The following FMNL2 variants were observed in gnomAD, a reference collection of about 807,000 sequenced individuals.
The protein encoded by FMNL2 is formin like 2, also known as formin-like protein 2.
FMNL2 carries 51 observed loss-of-function variants against 130.2 expected under a neutral mutation model. The observed-to-expected ratio is 0.39, with a 90% CI of 0.31 to 0.49. The LOEUF (loss-of-function observed/expected upper bound fraction) is 0.49. Ranked by LOEUF, FMNL2 falls within the 20% of genes least tolerant of loss-of-function variation. The pLI is 0.85. For synonymous variants in FMNL2, 465 were observed against 467.1 expected, an observed-to-expected ratio of 1.00 and a Z score of 0.06; for missense variants, 977 against 1,316.2, an observed-to-expected ratio of 0.74 and a Z score of 3.99.
rs1691284179 is a variant in FMNL2, at chr2:152,492,757, C to G, written c.118-29186C>G. The stretch of plus-strand genomic sequence containing the variant: ...TTTGACACTAAATTTTTCTCAGGAA[C>G]TAAGCAGATCGGTTATCGTTCCTCT... On this transcript the variant is annotated intron_variant, in intron 1 of 25. Transcript: ENST00000288670. Among the ~76,000 whole-genome samples, 3 of 152,198 alleles carry G rather than the reference C, an allele frequency of 2.0e-5. No homozygotes were observed. The South Asian group carries it at 6.2e-4, about 31-fold the overall frequency.
chr2:152,442,274 G>A (rs1314457096), intron 1 of FMNL2, among the ~76,000 whole-genome samples: 3 of 147,708 alleles, frequency 2.0e-5, no homozygotes, highest in Admixed American at 6.8e-5. Context: ...TTTTTGAGAC[G>A]GAGTTTTGGT....
At chr2:152,442,920 C>G (rs1485103001) in intron 1 of FMNL2, among the ~76,000 whole-genome samples, 2 of 152,180 alleles carry the variant, frequency 1.3e-5, no homozygotes, top group East Asian at 3.9e-4. Context: ...ATTTGCATTT[C>G]TAACAAGTTC....
intron 4 of FMNL2, among the ~76,000 whole-genome samples, chr2:152,558,267 A>G (rs543385860): frequency 1.8e-4 from 28 of 152,214 alleles, no homozygotes; most frequent in African/African-American, 6.7e-4. Context: ...CTCATTGGCT[A>G]GTTTAGTGGT....
chr2:152,431,439 CA>C (rs1401863314), intron 1 of FMNL2, among the ~76,000 whole-genome samples: 1 of 152,124 alleles, frequency 6.6e-6, no homozygotes, highest in East Asian at 1.9e-4. Context: ...AGCTTTTCAG[CA>C]AATGGAAAAA....
At chr2:152,491,441 T>C (rs573636363) in intron 1 of FMNL2, among the ~76,000 whole-genome samples, 2 of 152,314 alleles carry the variant, frequency 1.3e-5, no homozygotes, top group Admixed American at 1.3e-4. Flanking sequence ...GATTCAGTTT[T>C]GTGAAAGGAC....
At chr2:152,412,482 A>ATATAT (rs1686368437) in intron 1 of FMNL2, among the ~76,000 whole-genome samples, 1 of 90,034 alleles carries the variant, frequency 1.1e-5, no homozygotes, top group Non-Finnish European at 2.1e-5. Context: ...ATATATATAT[A>ATATAT]TATATATATA....
intron 1 of FMNL2, among the ~76,000 whole-genome samples, chr2:152,447,799 G>A (rs940742995): frequency 1.3e-5 from 2 of 151,880 alleles, no homozygotes; most frequent in Middle Eastern, 3.4e-3. Context: ...TTTGACTGTC[G>A]TTTGGACCAA....
intron 1 of FMNL2, among the ~76,000 whole-genome samples, chr2:152,368,638 A>C (rs1045034648): frequency 6.6e-6 from 1 of 152,142 alleles, no homozygotes; most frequent in African/African-American, 2.4e-5. Context: ...GGAATGATGG[A>C]AAGAGGGAAA....
intron 18 of FMNL2, among the ~76,000 whole-genome samples, chr2:152,628,781 A>T (rs1156610012): frequency 2.6e-5 from 4 of 152,170 alleles, no homozygotes; most frequent in Admixed American, 6.5e-5. Context: ...GTGTCTACAG[A>T]TGTTCTCTAG....
intron 1 of FMNL2, among the ~76,000 whole-genome samples, chr2:152,453,998 C>T (rs184740110): frequency 5.4e-4 from 82 of 152,228 alleles, no homozygotes; most frequent in Middle Eastern, 3.4e-3. Flanking sequence ...TCTGGCTGGG[C>T]GCAGTAGCTC....
At chr2:152,583,782 C>T (rs1696918528) in intron 9 of FMNL2, among the ~76,000 whole-genome samples, 1 of 152,198 alleles carries the variant, frequency 6.6e-6, no homozygotes, top group South Asian at 2.1e-4. Context: ...CAAGCTTCTG[C>T]AGCTATTTCA....
At chr2:152,595,470 C>T (rs1697712656) in intron 9 of FMNL2, among the ~76,000 whole-genome samples, 1 of 152,078 alleles carries the variant, frequency 6.6e-6, no homozygotes, top group South Asian at 2.1e-4. Context: ...ACAGACACGC[C>T]ACCACGCCCA....
chr2:152,343,351 A>T (rs967757113), intron 1 of FMNL2, among the ~76,000 whole-genome samples: 1 of 152,214 alleles, frequency 6.6e-6, no homozygotes, highest in African/African-American at 2.4e-5. Context: ...GCTGGCGTAC[A>T]GTGGCGTGAT....
At chr2:152,625,402 G>A (rs769702653) in intron 15 of FMNL2, 36 bp from the exon 16 acceptor site, 1 of 1,585,328 alleles carries the variant, frequency 6.3e-7, no homozygotes, top group Non-Finnish European at 8.6e-7. Context: ...TAGGCTTTTG[G>A]TGGGATCTTA....
intron 6 of FMNL2, among the ~76,000 whole-genome samples, chr2:152,568,218 G>GTTTTTTTT: frequency 2.9e-5 from 1 of 34,860 alleles, no homozygotes; most frequent in African/African-American, 8.4e-5. Context: ...ATTTTGGTGG[G>GTTTTTTTT]TTTTTTTTTT....
At chr2:152,420,694 A>C (rs989075268) in intron 1 of FMNL2, among the ~76,000 whole-genome samples, 3 of 152,184 alleles carry the variant, frequency 2.0e-5, no homozygotes, top group African/African-American at 4.8e-5. Context: ...CAACTGATTA[A>C]TGTGGAGATC....
intron 6 of FMNL2, among the ~76,000 whole-genome samples, chr2:152,571,895 G>C (rs1696188676): frequency 1.4e-5 from 1 of 70,840 alleles, no homozygotes; most frequent in Admixed American, 1.1e-4. Flanking sequence ...TTACTGCTGT[G>C]ATTTTTTTTT....
At chr2:152,562,885 A>G (rs1310192908) in intron 6 of FMNL2, among the ~76,000 whole-genome samples, 1 of 152,224 alleles carries the variant, frequency 6.6e-6, no homozygotes, top group Non-Finnish European at 1.5e-5. Context: ...TACAAAGTAC[A>G]TTTTAATTTG....
chr2:152,612,034 A>T (rs1311930453), intron 11 of FMNL2, among the ~76,000 whole-genome samples: 1 of 152,148 alleles, frequency 6.6e-6, no homozygotes, highest in African/African-American at 2.4e-5. Flanking sequence ...AAAAAAAAAT[A>T]ATGAGGAAAT....
Sources: gnomAD v4.1 joint callset for allele counts (sites outside exome capture counted in the v4.1 genomes callset) on GRCh38, gnomAD v4.1.1 for gene constraint, MANE v1.5 for transcripts, NCBI Gene and HGNC (gene_info 2026-07-23, HGNC 2026-07-21) for gene names.